Variants in GRM3 observed in about 807,000 individuals in gnomAD.
GRM3 encodes the protein glutamate metabotropic receptor 3, also known as metabotropic glutamate receptor 3.
In GRM3, 26 loss-of-function variants were observed where a neutral mutation model predicts 70.5. The ratio of observed to expected loss-of-function variants is 0.37; its 90% confidence interval spans 0.27 to 0.51. The LOEUF is 0.51. Among genes scored for constraint, GRM3 ranks in the 20% least tolerant of loss-of-function variants. The pLI is 0.93. For missense variants in GRM3, 859 were observed against 1,123.8 expected (o/e 0.76, Z 3.37); for synonymous variants, 443 against 434.9 (o/e 1.02, Z -0.23).
intron 3 of GRM3, among the ~76,000 whole-genome samples, chr7:86,798,389 G>A (rs1797606014): frequency 6.6e-6 from 1 of 152,164 alleles, no homozygotes; most frequent in South Asian, 2.1e-4. Flanking sequence ...GCTTGACCTG[G>A]ATGTGAGACA....
chr7:86,863,879 T>C (rs1562885815), intron 5 of GRM3, among the ~76,000 whole-genome samples: 1 of 152,116 alleles, frequency 6.6e-6, no homozygotes, highest in East Asian at 1.9e-4. Context: ...CGCCAAGAGG[T>C]ATAACGTTAG....
chr7:86,701,941 C>T lies in GRM3; in HGVS notation c.-141+57069C>T, dbSNP rs1794954543. ...AGCATATCAGAGTCAATCCCTACTT[C>T]ATTACACTAAGGAAGACACTGACAA... is the stretch of plus-strand genomic sequence containing the variant. On this transcript the variant is annotated intron_variant, in intron 1 of 5. Coordinates refer to ENST00000361669, the MANE Select transcript of GRM3 (RefSeq NM_000840.3). Among the ~76,000 whole-genome samples, 5 of 152,070 alleles carry T rather than the reference C, an allele frequency of 3.3e-5. No individual in the cohort carries two copies. The South Asian group carries it at 1.0e-3, about 32-fold the overall frequency.
intron 1 of GRM3, among the ~76,000 whole-genome samples, chr7:86,661,164 CT>C (rs1243501033): frequency 6.6e-6 from 1 of 151,874 alleles, no homozygotes. Flanking sequence ...GGACAGAGGC[CT>C]AAGAATCACC....
chr7:86,695,589 G>A (rs1401819142), intron 1 of GRM3, among the ~76,000 whole-genome samples: 1 of 152,106 alleles, frequency 6.6e-6, no homozygotes, highest in East Asian at 1.9e-4. Flanking sequence ...TTCAAATCAT[G>A]AACTCCCGTT....
At position 86,794,081 on chromosome 7, in the gene GRM3, T is replaced by A. The variant is rs550890086; in HGVS notation, c.1324+6965T>A. ...AAAAAATATTCTAAGTATTTTTTTT[T>A]AAATGTAACTAAAATCCTGTTTAAA... On this transcript the variant is annotated intron_variant, in intron 3 of 5. Coordinates refer to ENST00000361669, the MANE Select transcript of GRM3 (RefSeq NM_000840.3). Among the ~76,000 whole-genome samples the A allele has an allele frequency of 7.0e-4, 107 of 152,256 alleles. No individual in the cohort carries two copies. In the Middle Eastern group the frequency reaches 0.02, roughly 29 times the overall value.
At chr7:86,850,953 ATATAT>A (rs910625940) in intron 5 of GRM3, among the ~76,000 whole-genome samples, 3 of 152,126 alleles carry the variant, frequency 2.0e-5, no homozygotes, top group East Asian at 1.9e-4. Flanking sequence ...GTTTTATAAA[ATATAT>A]TATATGTCAC....
intron 5 of GRM3, among the ~76,000 whole-genome samples, chr7:86,853,258 T>C (rs561595713): frequency 1.4e-4 from 22 of 152,344 alleles, no homozygotes; most frequent in African/African-American, 4.6e-4. Flanking sequence ...AAGAGTTATA[T>C]GTATATGTAT....
chr7:86,772,107 T>C (rs1377210296), intron 2 of GRM3, among the ~76,000 whole-genome samples: 2 of 152,104 alleles, frequency 1.3e-5, no homozygotes, highest in Admixed American at 1.3e-4. Context: ...TATAAGCCAC[T>C]TGAGTTTAAG....
At chr7:86,691,749 C>T (rs1418430821) in intron 1 of GRM3, among the ~76,000 whole-genome samples, 1 of 152,132 alleles carries the variant, frequency 6.6e-6, no homozygotes, top group Non-Finnish European at 1.5e-5. Context: ...CCTCTCTTGC[C>T]CTCTCTTTGC....
Position 86,839,063 on chromosome 7 carries a change from G to C in GRM3, c.1549G>C (p.Glu517Gln). ...GTGCAGCGACCCCTGTGCCCCCAAT[G>C]AAATGAAGAATATGCAACCAGGGGA... ...SQCSDPCAPN[E>Q]MKNMQPGDVC... The change falls in exon 4 of 6, where the codon GAA (glutamate) becomes CAA (glutamine). Residue 517 changes from glutamate to glutamine, a missense_variant. Coordinates refer to ENST00000361669, the MANE Select transcript of GRM3 (RefSeq NM_000840.3). This position sits in a 1 kb window ranked among gnomAD's most constrained non-coding sequence, Gnocchi z 4.5. 2 of 1,614,034 alleles carry C rather than the reference G, an allele frequency of 1.2e-6. No homozygotes were observed. The highest frequency in any genetic ancestry group is 1.7e-6 in the Non-Finnish European group (2 of 1,179,906).
At chr7:86,684,907 C>G (rs192516630) in intron 1 of GRM3, among the ~76,000 whole-genome samples, 1 of 152,146 alleles carries the variant, frequency 6.6e-6, no homozygotes, top group Non-Finnish European at 1.5e-5. Flanking sequence ...ATGTGGATAA[C>G]AAGATGACCT....
chr7:86,660,535 T>A (rs191490245), intron 1 of GRM3, among the ~76,000 whole-genome samples: 9 of 152,122 alleles, frequency 5.9e-5, no homozygotes, highest in Non-Finnish European at 1.3e-4. Context: ...TTTTAAATAA[T>A]CCTAAAGAAA....
At chr7:86,767,995 G>T (rs1796649106) in intron 2 of GRM3, among the ~76,000 whole-genome samples, 2 of 152,006 alleles carry the variant, frequency 1.3e-5, no homozygotes, top group Non-Finnish European at 2.9e-5. Flanking sequence ...ATATCACCAT[G>T]AAGTCACAAA....
rs1796568065 is a variant in GRM3 at position 86,765,104 on chromosome 7, G to A, written c.-42G>A. 1 of 1,524,410 alleles carries A rather than the reference G, an allele frequency of 6.6e-7. No homozygotes were observed. 94.4% of individuals were successfully genotyped at this position (1,524,410 alleles called of 1,614,324 possible). ...GAGAGAGGACTAGCATGACACATTG[G>A]CTCCACCATTGATATCTCCCAGAGG... On this transcript the variant is annotated 5_prime_UTR_variant, in exon 2 of 6. An upstream open reading frame in the 5' UTR gains an earlier in-frame stop. Transcript: ENST00000361669.
intron 3 of GRM3, among the ~76,000 whole-genome samples, chr7:86,801,761 G>A (rs1485477912): frequency 6.6e-6 from 1 of 152,160 alleles, no homozygotes. Context: ...ACCATAGTGA[G>A]CAGAGGGTCA....
chr7:86,685,371 A>C (rs1346646037), intron 1 of GRM3, among the ~76,000 whole-genome samples: 1 of 152,242 alleles, frequency 6.6e-6, no homozygotes, highest in Non-Finnish European at 1.5e-5. Context: ...AAATAAGTCT[A>C]TGTAGACAAG....
intron 2 of GRM3, among the ~76,000 whole-genome samples, chr7:86,772,213 T>G (rs1796762822): frequency 6.6e-6 from 1 of 152,104 alleles, no homozygotes; most frequent in Admixed American, 6.6e-5. Flanking sequence ...TTGAAAGAAT[T>G]GATTACCTAT....
intron 3 of GRM3, among the ~76,000 whole-genome samples, chr7:86,828,565 G>A (rs1737171113): frequency 6.6e-6 from 1 of 152,154 alleles, no homozygotes; most frequent in Admixed American, 6.5e-5. Flanking sequence ...GTAGCATTAT[G>A]TATTAAAAAC....
At position 86,807,449 on chromosome 7, in the gene GRM3, G is replaced by A. The variant is rs779150229; in HGVS notation, c.1324+20333G>A. On this transcript the variant is annotated intron_variant, in intron 3 of 5. Coordinates refer to ENST00000361669, the MANE Select transcript of GRM3 (RefSeq NM_000840.3). ...GCAGTGGTTTGTAGTTCTCGTTGAA[G>A]AGGTCCTTCACATCCCTTATAAGTT... Among the ~76,000 whole-genome samples the A allele has an allele frequency of 1.7e-3, 254 of 150,086 alleles. 1 individual carries two copies. The highest frequency in any genetic ancestry group is 4.0e-3 in the Admixed American group (60 of 15,130).
Sources: gnomAD v4.1 joint callset for allele counts (sites outside exome capture counted in the v4.1 genomes callset) on GRCh38, gnomAD v4.1.1 for gene constraint, Gnocchi (gnomAD v3.1) non-coding constraint, MANE v1.5 for transcripts, NCBI Gene and HGNC (gene_info 2026-07-23, HGNC 2026-07-21) for gene names.